The following SUGCT variants were observed in gnomAD, a reference collection of about 807,000 sequenced individuals.
The protein encoded by SUGCT is succinyl-CoA:glutarate-CoA transferase.
SUGCT carries 41 observed loss-of-function variants against 55.0 expected under a neutral mutation model. That is an observed-to-expected ratio of 0.74 (90% CI 0.58 to 0.97). The LOEUF (loss-of-function observed/expected upper bound fraction) is 0.97. Ranked by LOEUF, SUGCT falls within the 50% of genes least tolerant of loss-of-function variation. The probability of loss-of-function intolerance (pLI) is 0.00; values close to 1 mark genes in which losing one functional copy is unlikely to be tolerated. For synonymous variants in SUGCT, 187 were observed against 200.4 expected (o/e 0.93, Z 0.56); for missense variants, 568 against 547.8 (o/e 1.04, Z -0.37).
At chr7:40,509,634 A>G (rs1792813816) in intron 12 of SUGCT, among the ~76,000 whole-genome samples, 1 of 152,062 alleles carries the variant, frequency 6.6e-6, no homozygotes, top group Non-Finnish European at 1.5e-5. Flanking sequence ...CCTATAAGCC[A>G]GAACTAAAAG....
intron 9 of SUGCT, among the ~76,000 whole-genome samples, chr7:40,432,567 T>C (rs1787951341): frequency 6.6e-6 from 1 of 151,544 alleles, no homozygotes. Context: ...GCACCTGTAA[T>C]CCCAGCTACT....
the SUGCT span, among the ~76,000 whole-genome samples, chr7:40,938,077 G>A: frequency 1.3e-5 from 2 of 152,210 alleles, no homozygotes; most frequent in Non-Finnish European, 2.9e-5. Context: ...GTCACTCACT[G>A]CTCACCTCCT....
chr7:40,779,955 C>T (rs1789650720), intron 13 of SUGCT, among the ~76,000 whole-genome samples: 1 of 152,190 alleles, frequency 6.6e-6, no homozygotes, highest in African/African-American at 2.4e-5. Context: ...CTGTAAGGTA[C>T]AGTGCTGTCG....
intron 13 of SUGCT, among the ~76,000 whole-genome samples, chr7:40,858,190 A>G (rs1794285444): frequency 6.6e-6 from 1 of 152,072 alleles, no homozygotes; most frequent in African/African-American, 2.4e-5. Context: ...CAAGTTCTTA[A>G]GAAATGGTAG....
At chr7:40,780,046 C>T (rs907017604) in intron 13 of SUGCT, among the ~76,000 whole-genome samples, 1 of 152,148 alleles carries the variant, frequency 6.6e-6, no homozygotes, top group Non-Finnish European at 1.5e-5. Context: ...TTTACCTAAG[C>T]ATTCTTTAAA....
chr7:40,490,572 G>A (rs1791623686), intron 11 of SUGCT, among the ~76,000 whole-genome samples: 1 of 152,162 alleles, frequency 6.6e-6, no homozygotes, highest in Non-Finnish European at 1.5e-5. Flanking sequence ...GCAATAGGAT[G>A]TCTCAGCCTC....
At chr7:40,968,915 A>G in the SUGCT span, among the ~76,000 whole-genome samples, 89 of 152,262 alleles carry the variant, frequency 5.8e-4, no homozygotes, top group African/African-American at 2.0e-3. Flanking sequence ...TGGTGTGAGC[A>G]TCCAGAAGGC....
intron 9 of SUGCT, among the ~76,000 whole-genome samples, chr7:40,429,219 G>A (rs1319878724): frequency 1.3e-5 from 2 of 151,790 alleles, no homozygotes; most frequent in African/African-American, 2.4e-5. Context: ...TATTTATGTT[G>A]TACATTAGAT....
chr7:41,020,411 G>C, the SUGCT span, among the ~76,000 whole-genome samples: 1 of 152,156 alleles, frequency 6.6e-6, no homozygotes, highest in South Asian at 2.1e-4. Flanking sequence ...AAATAGTTTA[G>C]CAAAAATGCA....
intron 8 of SUGCT, among the ~76,000 whole-genome samples, chr7:40,304,260 G>T (rs1794718181): frequency 6.6e-6 from 1 of 151,918 alleles, no homozygotes; most frequent in Admixed American, 6.6e-5. Context: ...AATAATGAAA[G>T]AAATCTGTAG....
chr7:40,868,347 T>C, the SUGCT span, among the ~76,000 whole-genome samples: 3 of 152,124 alleles, frequency 2.0e-5, no homozygotes, highest in African/African-American at 7.2e-5. Flanking sequence ...CCCTGGTGTG[T>C]GTTGTTCCCT....
At chr7:40,762,561 G>A (rs1447926233) in intron 13 of SUGCT, among the ~76,000 whole-genome samples, 2 of 152,172 alleles carry the variant, frequency 1.3e-5, no homozygotes, top group African/African-American at 2.4e-5. Flanking sequence ...CCATGATACG[G>A]AGAAATCAGT....
rs556979737 is a variant in SUGCT, at chr7:40,759,883, TA to T, written c.1153+10396del. On this transcript the variant is annotated intron_variant, in intron 13 of 13. Transcript: ENST00000335693. ...ACAAAGTCTGTAATTGTGTTTCTAT[TA>T]AAAAAAAAAGCAGCAGCAGCCATCA... Among the ~76,000 whole-genome samples, 141 of 146,850 alleles carry T rather than the reference TA, an allele frequency of 9.6e-4. 1 individual carries two copies. Among genetic ancestry groups the T allele is most frequent in the Admixed American group, 5.6e-3 (82 of 14,680 alleles).
intron 13 of SUGCT, among the ~76,000 whole-genome samples, chr7:40,845,465 A>G (rs930315691): frequency 2.0e-5 from 3 of 152,184 alleles, no homozygotes; most frequent in Admixed American, 1.3e-4. Context: ...AGTTGTCCTC[A>G]TATTGCACAG....
chr7:40,861,915 G>A (rs912850978), downstream of SUGCT, among the ~76,000 whole-genome samples: 1 of 152,166 alleles, frequency 6.6e-6, no homozygotes, highest in Non-Finnish European at 1.5e-5. Flanking sequence ...TCCCCCATTG[G>A]CTAATTCACA....
intron 9 of SUGCT, among the ~76,000 whole-genome samples, chr7:40,336,696 C>T (rs1460318446): frequency 1.3e-5 from 2 of 152,098 alleles, no homozygotes; most frequent in African/African-American, 4.8e-5. Flanking sequence ...TTTCAAAAAA[C>T]CAGCTCCTGG....
At chr7:40,956,649 G>T in the SUGCT span, among the ~76,000 whole-genome samples, 1 of 148,654 alleles carries the variant, frequency 6.7e-6, no homozygotes, top group African/African-American at 2.5e-5. Flanking sequence ...TTAGTTATTT[G>T]TTGTCTTCTT....
At chr7:40,759,681 A>G (rs1372605008) in intron 13 of SUGCT, among the ~76,000 whole-genome samples, 1 of 152,138 alleles carries the variant, frequency 6.6e-6, no homozygotes, top group East Asian at 1.9e-4. Context: ...CTCTAATTTA[A>G]AGACTGCTGG....
chr7:40,648,995 C>T (rs941306213), intron 12 of SUGCT, among the ~76,000 whole-genome samples: 1 of 152,064 alleles, frequency 6.6e-6, no homozygotes, highest in African/African-American at 2.4e-5. Flanking sequence ...ATTTATGAAA[C>T]TTTTTTCTTA....
Sources: allele counts gnomAD v4.1 joint callset (sites outside exome capture counted in the v4.1 genomes callset), GRCh38; gene constraint gnomAD v4.1.1; transcripts MANE v1.5; gene names NCBI Gene and HGNC (gene_info 2026-07-23, HGNC 2026-07-21).